Variants in CLIC2 observed in about 807,000 individuals in gnomAD.
CLIC2 encodes CLIC family member 2.
Under a neutral mutation model 14.8 loss-of-function variants are expected in CLIC2, and 9 were observed. That is an observed-to-expected ratio of 0.61 (90% confidence interval 0.37 to 1.06). CLIC2 has a LOEUF of 1.06. Among genes scored for constraint, CLIC2 ranks in the 50% least tolerant of loss-of-function variants. CLIC2 has a pLI of 0.01. For synonymous variants in CLIC2, 61 were observed against 66.3 expected (o/e 0.92, Z 0.39); for missense variants, 148 against 181.4 (o/e 0.82, Z 1.06).
chrX:155,282,812 A>G (rs1330176007), intron 3 of CLIC2, among the ~76,000 whole-genome samples: 1 of 110,521 alleles, frequency 9.0e-6, no homozygotes, highest in East Asian at 2.8e-4. Flanking sequence ...TGGCCTTCAC[A>G]CTCCCAGGCT....
At chrX:155,317,073 A>C (rs1389414237) in intron 1 of CLIC2, among the ~76,000 whole-genome samples, 1 of 111,571 alleles carries the variant, frequency 9.0e-6, no homozygotes, top group Non-Finnish European at 1.9e-5. Context: ...TGGTGCTAAA[A>C]GGAAAGCTCA....
rs782187128 is a variant in CLIC2, at chrX:155,299,164, A to G, written c.58-19T>C. ...TTCCAGCCTATTAAGATAAAGAGAG[A>G]CCTCAGTTCATTTGTTTGTTCAATA... On this transcript the variant is annotated intron_variant, in intron 1 of 5. Transcript: ENST00000369449. 1 of 1,123,055 alleles carries G rather than the reference A, an allele frequency of 8.9e-7. No homozygotes were observed. Among genetic ancestry groups the G allele is most frequent in the Admixed American group, 2.2e-5 (1 of 45,824 alleles). The allele number at this position is 1,123,055 out of a possible 1,213,427, so 92.6% of individuals were successfully genotyped here.
At position 155,298,799 on chromosome X, in the gene CLIC2, G is replaced by T. The variant is rs782081314; in HGVS notation, c.279C>A (p.Thr93=). 2.5e-6 allele frequency: 3 copies of T among 1,209,651 alleles called. No homozygotes were observed. Among genetic ancestry groups the T allele is most frequent in the Non-Finnish European group, 3.4e-6 (3 of 894,185 alleles). ...FIKIEEFLEQ[T]LAPPRYPHLS... ...AAATGCTGTACCTTGGAGGAGCCAG[G>T]GTTTGTTCTAAAAACTCCTCAATTT... Residue 93 remains threonine, a synonymous_variant, in exon 3 of 6, where the codon ACC becomes ACA. Transcript: ENST00000369449.
intron 4 of CLIC2, among the ~76,000 whole-genome samples, chrX:155,279,553 C>T (rs2074911132): frequency 9.0e-6 from 1 of 111,143 alleles, no homozygotes; most frequent in African/African-American, 3.3e-5. Flanking sequence ...TAGGGAGGTG[C>T]ATTGGCAGGA....
chrX:155,310,432 C>T, intron 1 of CLIC2: 1 of 284,369 alleles, frequency 3.5e-6, no homozygotes, highest in Non-Finnish European at 7.0e-6. Context: ...TTGGCTATGC[C>T]CTGGCCACTT....
At chrX:155,291,908 G>A (rs1432142132) in intron 3 of CLIC2, among the ~76,000 whole-genome samples, 1 of 112,123 alleles carries the variant, frequency 8.9e-6, no homozygotes, top group Non-Finnish European at 1.9e-5. Flanking sequence ...CGCTGCCGCC[G>A]CCGCAGGACC....
intron 1 of CLIC2, among the ~76,000 whole-genome samples, chrX:155,319,326 C>A (rs1228998986): frequency 9.0e-6 from 1 of 111,479 alleles, no homozygotes; most frequent in Non-Finnish European, 1.9e-5. Flanking sequence ...ACACAGAAGG[C>A]AGGTGATTTC....
rs782586711 is a variant in CLIC2 at position 155,281,664 on chromosome X, C to T, written c.294-1596G>A. 1.4e-4 allele frequency among the ~76,000 whole-genome samples: 16 copies of T among 111,091 alleles called. 1 individual carries two copies. Among genetic ancestry groups the T allele is most frequent in the Non-Finnish European group, 2.1e-4 (11 of 52,990 alleles). On this transcript the variant is annotated intron_variant, in intron 3 of 5. Transcript: ENST00000369449. ...TGTATCCAGAATCTGTCCACCCCCG[C>T]GCCCCTGCCCAGTCCAAAGCCTATA...
intron 1 of CLIC2, among the ~76,000 whole-genome samples, chrX:155,311,919 GA>G (rs1329489699): frequency 9.0e-6 from 1 of 111,226 alleles, no homozygotes; most frequent in Non-Finnish European, 1.9e-5. Context: ...CAGTATGGGG[GA>G]AACTGTGCCC....
chrX:155,287,670 GT>G (rs782298900), intron 3 of CLIC2, among the ~76,000 whole-genome samples: 1 of 112,156 alleles, frequency 8.9e-6, no homozygotes, highest in Admixed American at 9.5e-5. Context: ...ATAGTTCGAA[GT>G]TGGCTAATGC....
At chrX:155,296,799 CAA>C (rs58922935) in intron 3 of CLIC2, among the ~76,000 whole-genome samples, 11 of 106,959 alleles carry the variant, frequency 1.0e-4, no homozygotes, top group Non-Finnish European at 1.7e-4. Flanking sequence ...ATTAAAAAGA[CAA>C]AAAAAAAATT....
intron 1 of CLIC2, among the ~76,000 whole-genome samples, chrX:155,319,326 C>T (rs1228998986): frequency 9.0e-6 from 1 of 111,479 alleles, no homozygotes; most frequent in South Asian, 3.8e-4. Flanking sequence ...ACACAGAAGG[C>T]AGGTGATTTC....
chrX:155,309,829 C>G (rs1209199492), intron 1 of CLIC2, among the ~76,000 whole-genome samples: 4 of 111,563 alleles, frequency 3.6e-5, no homozygotes, highest in African/African-American at 1.3e-4. Flanking sequence ...GGTGGGGGCA[C>G]AGCCAAACCA....
At position 155,279,217 on chromosome X, in the gene CLIC2, G is replaced by C. The variant is rs782106752; in HGVS notation, c.514C>G (p.Leu172Val). 1 of 1,209,903 alleles carries C rather than the reference G, an allele frequency of 8.3e-7. No homozygotes were observed. Among genetic ancestry groups the C allele is most frequent in the African/African-American group, 1.7e-5 (1 of 57,690 alleles). Residue 172 changes from leucine (L) to valine (V), a missense_variant, in exon 5 of 6, where the codon CTA becomes GTA. Physicochemically the swap from Leu to Val is conservative, Grantham distance 32 (BLOSUM62 1). Coordinates refer to ENST00000369449, the MANE Select transcript of CLIC2 (RefSeq NM_001289.6). ...SAEEPPVSRRLFLDGDQLTLA... is the reference protein window; with the variant it reads ...SAEEPPVSRRVFLDGDQLTLA... ...GTTAGCTGGTCCCCATCCAAGAATAGTCTTCTGGAAACTGGGGGTTCCTCA... is the reference window on the plus strand; with the variant it reads ...GTTAGCTGGTCCCCATCCAAGAATACTCTTCTGGAAACTGGGGGTTCCTCA...
intron 1 of CLIC2, among the ~76,000 whole-genome samples, chrX:155,312,441 T>C (rs2075077844): frequency 8.9e-6 from 1 of 112,117 alleles, no homozygotes; most frequent in South Asian, 3.7e-4. Flanking sequence ...CCAATGCTTG[T>C]TTTTGTCAGG....
chrX:155,279,926 G>A, intron 4 of CLIC2, 36 bp downstream of exon 4: 3 of 957,770 alleles, frequency 3.1e-6, no homozygotes, highest in African/African-American at 1.9e-5. Context: ...GATGAAGAGT[G>A]AGAGAAAAAT....
chrX:155,290,172 C>A (rs782809616), intron 3 of CLIC2, among the ~76,000 whole-genome samples: 1 of 111,755 alleles, frequency 8.9e-6, no homozygotes, highest in Non-Finnish European at 1.9e-5. Flanking sequence ...AGCTTTAAGT[C>A]AAAAATAGAA....
intron 3 of CLIC2, chrX:155,291,022 C>CT: frequency 1.4e-6 from 1 of 719,049 alleles, no homozygotes; most frequent in South Asian, 2.2e-5. Flanking sequence ...AATACTTCAT[C>CT]TTTAACGTGG....
At chrX:155,329,164 C>T (rs1022827644) in intron 1 of CLIC2, among the ~76,000 whole-genome samples, 5 of 110,282 alleles carry the variant, frequency 4.5e-5, no homozygotes, top group African/African-American at 1.3e-4. Flanking sequence ...TGTGCAAAGA[C>T]GACCCACAGA....
Sources: allele counts gnomAD v4.1 joint callset (sites outside exome capture counted in the v4.1 genomes callset), GRCh38; gene constraint gnomAD v4.1.1; transcripts MANE v1.5; gene names NCBI Gene and HGNC (gene_info 2026-07-23, HGNC 2026-07-21).